Variants in COL21A1 observed in about 807,000 individuals in gnomAD.
The protein encoded by COL21A1 is collagen type XXI alpha 1 chain, also known as collagen alpha-1(XXI) chain.
A neutral mutation model predicts 137.9 loss-of-function variants in COL21A1; 149 were observed. The ratio of observed to expected loss-of-function variants is 1.08; its 90% CI spans 0.95 to 1.24. The LOEUF is 1.24. Ranked by LOEUF, COL21A1 falls within the 50% of genes most tolerant of loss-of-function variation. The pLI is 0.00. For missense variants in COL21A1, 1,167 were observed against 1,158.4 expected, an observed-to-expected ratio of 1.01 and a Z score of -0.11; for synonymous variants, 456 against 391.5, an observed-to-expected ratio of 1.16 and a Z score of -1.95.
chr6:56,150,423 C>G (rs562670025), intron 10 of COL21A1, among the ~76,000 whole-genome samples: 1 of 152,054 alleles, frequency 6.6e-6, no homozygotes, highest in Non-Finnish European at 1.5e-5. Flanking sequence ...GAGGCTGAGG[C>G]AGGAGAATGG....
intron 24 of COL21A1, 51 bp from the exon 25 acceptor site, chr6:56,061,732 T>G: frequency 6.4e-5 from 75 of 1,171,254 alleles, no homozygotes; most frequent in Middle Eastern, 2.0e-4. Flanking sequence ...TACAGTACTG[T>G]AATGTGGCAT....
At chr6:56,285,134 A>G (rs976829543) in intron 1 of COL21A1, among the ~76,000 whole-genome samples, 18 of 152,126 alleles carry the variant, frequency 1.2e-4, no homozygotes, top group African/African-American at 4.1e-4. Flanking sequence ...CCATTCATAC[A>G]TTCCTTCATC....
At chr6:56,355,681 T>C (rs1425434167) in intron 1 of COL21A1, among the ~76,000 whole-genome samples, 2 of 152,190 alleles carry the variant, frequency 1.3e-5, no homozygotes, top group Non-Finnish European at 2.9e-5. Flanking sequence ...AACAAGTTTT[T>C]GTAGATAAAA....
chr6:56,195,193 A>G (rs1778941600), intron 1 of COL21A1, among the ~76,000 whole-genome samples: 1 of 152,118 alleles, frequency 6.6e-6, no homozygotes, highest in Non-Finnish European at 1.5e-5. Flanking sequence ...TAAATTATGC[A>G]GTTTTGAGTA....
At chr6:56,172,491 G>T (rs930928592) in intron 3 of COL21A1, among the ~76,000 whole-genome samples, 1 of 152,126 alleles carries the variant, frequency 6.6e-6, no homozygotes, top group Non-Finnish European at 1.5e-5. Flanking sequence ...AGCTGAGAAA[G>T]TTCATCACCA....
At chr6:56,188,334 C>T (rs4119567) in intron 1 of COL21A1, among the ~76,000 whole-genome samples, 95,283 of 152,072 alleles carry the variant, frequency 0.63, 30,155 homozygotes, top group East Asian at 0.86. Context: ...GCAATGTTTA[C>T]AGTAGTTTTA....
At chr6:56,273,968 G>A (rs899431121) in intron 1 of COL21A1, among the ~76,000 whole-genome samples, 5 of 152,040 alleles carry the variant, frequency 3.3e-5, no homozygotes, top group African/African-American at 9.7e-5. Context: ...GAACATACAT[G>A]CAAAAATCCT....
At chr6:56,266,901 T>C (rs1266871517) in intron 1 of COL21A1, among the ~76,000 whole-genome samples, 1 of 152,246 alleles carries the variant, frequency 6.6e-6, no homozygotes, top group Non-Finnish European at 1.5e-5. Flanking sequence ...TAATAGCTCA[T>C]ATTGACTCAG....
At chr6:56,252,911 A>G (rs1382836064) in intron 1 of COL21A1, among the ~76,000 whole-genome samples, 1 of 152,178 alleles carries the variant, frequency 6.6e-6, no homozygotes, top group African/African-American at 2.4e-5. Context: ...GGCCACCTCT[A>G]TCTCCTTTCA....
chr6:56,091,519 G>C (rs1194460136), intron 17 of COL21A1: 1 of 152,542 alleles, frequency 6.6e-6, no homozygotes, highest in Non-Finnish European at 1.5e-5. Flanking sequence ...AGGAAACACG[G>C]CATTCTTTTT....
rs1212343306 is a variant in COL21A1, at chr6:56,283,204, G to A, written c.-38-100548C>T. On this transcript the variant is annotated intron_variant, in intron 1 of 28. Coordinates refer to the COL21A1 transcript ENST00000370819. Reference sequence around the variant, plus strand: ...TCAAGACTTGCATAAAGATTTATGTGCAAGGTTCTCAGTGTAGCATTATTT... The same window carrying A: ...TCAAGACTTGCATAAAGATTTATGTACAAGGTTCTCAGTGTAGCATTATTT... 2.6e-5 allele frequency among the ~76,000 whole-genome samples: 4 copies of A among 151,906 alleles called. No homozygotes were observed. The East Asian group carries it at 5.8e-4, about 22-fold the overall frequency.
At chr6:56,233,408 A>G (rs997499104) in intron 1 of COL21A1, among the ~76,000 whole-genome samples, 1 of 152,014 alleles carries the variant, frequency 6.6e-6, no homozygotes, top group East Asian at 1.9e-4. Flanking sequence ...ACTCAGTTAA[A>G]TCTAATTGAT....
chr6:56,229,138 T>C (rs911704080), intron 1 of COL21A1, among the ~76,000 whole-genome samples: 1 of 151,926 alleles, frequency 6.6e-6, no homozygotes, highest in Admixed American at 6.6e-5. Context: ...CTCAGCACTT[T>C]AGAAGGCTGA....
At chr6:56,263,696 T>C (rs1763334333) in intron 1 of COL21A1, among the ~76,000 whole-genome samples, 1 of 152,234 alleles carries the variant, frequency 6.6e-6, no homozygotes, top group African/African-American at 2.4e-5. Flanking sequence ...GAACCCACAA[T>C]TCTGTTTTAG....
intron 1 of COL21A1, among the ~76,000 whole-genome samples, chr6:56,268,725 G>T (rs559841763): frequency 6.6e-6 from 1 of 152,146 alleles, no homozygotes; most frequent in African/African-American, 2.4e-5. Context: ...ATTCAAAAAG[G>T]CAAAGTGTTC....
intron 1 of COL21A1, among the ~76,000 whole-genome samples, chr6:56,228,020 T>C (rs1292625760): frequency 6.6e-6 from 1 of 151,814 alleles, no homozygotes; most frequent in African/African-American, 2.4e-5. Context: ...ATGTGCTCAG[T>C]GAAAAGGTAT....
At chr6:56,303,619 A>G (rs1764357749) in intron 1 of COL21A1, among the ~76,000 whole-genome samples, 1 of 152,210 alleles carries the variant, frequency 6.6e-6, no homozygotes, top group African/African-American at 2.4e-5. Flanking sequence ...TATCAGCTTA[A>G]GGAGATTTGG....
chr6:56,225,705 TTA>T (rs1359726873), intron 1 of COL21A1, among the ~76,000 whole-genome samples: 21 of 152,186 alleles, frequency 1.4e-4, no homozygotes, highest in African/African-American at 4.6e-4. Context: ...TTTAATTTTT[TTA>T]GTCTTTTTAA....
intron 17 of COL21A1, among the ~76,000 whole-genome samples, chr6:56,094,423 C>A (rs1769139707): frequency 6.6e-6 from 1 of 150,394 alleles, no homozygotes; most frequent in Non-Finnish European, 1.5e-5. Flanking sequence ...GAAAGGCTTT[C>A]TCCACATGAC....
Sources: gnomAD v4.1 joint callset for allele counts (sites outside exome capture counted in the v4.1 genomes callset) on GRCh38, gnomAD v4.1.1 for gene constraint, MANE v1.5 for transcripts, NCBI Gene and HGNC (gene_info 2026-07-23, HGNC 2026-07-21) for gene names.